The following SSBP2 variants were observed in gnomAD, a reference collection of about 807,000 sequenced individuals.
The protein encoded by SSBP2 is single stranded DNA binding protein 2.
In SSBP2, 17 loss-of-function variants were observed where a neutral mutation model predicts 61.8. That is an observed-to-expected ratio of 0.28 (90% CI 0.19 to 0.41). The LOEUF is 0.41. SSBP2 is among the 10% of genes least tolerant of loss of function. The probability of loss-of-function intolerance (pLI) is 1.00; values close to 1 mark genes in which losing one functional copy is unlikely to be tolerated. For missense variants in SSBP2, 310 were observed against 458.7 expected (o/e 0.68, Z 2.96); for synonymous variants, 139 against 141.3 (o/e 0.98, Z 0.12).
At position 81,414,214 on chromosome 5, in the gene SSBP2, T is replaced by C. The variant is rs1761227748; in HGVS notation, c.*6290A>G. 6.6e-6 allele frequency: 1 copy of C among 152,154 alleles called. No homozygotes were observed. Among genetic ancestry groups the C allele is most frequent in the South Asian group, 2.1e-4 (1 of 4,828 alleles). The allele number at this position is 152,154 out of a possible 1,614,324, so 9.4% of individuals were successfully genotyped here. ...ATTTGCAAAGAGAGGAGACAAACTG[T>C]AATTGTATACATAAAAACACCTAGT... On this transcript the variant is annotated 3_prime_UTR_variant, in exon 17 of 17. Transcript: ENST00000320672.
intron 1 of SSBP2, among the ~76,000 whole-genome samples, chr5:81,697,226 A>G (rs982556116): frequency 2.0e-5 from 3 of 152,242 alleles, no homozygotes; most frequent in Admixed American, 2.0e-4. Context: ...AAGATAACTT[A>G]AAGTGATAAA....
chr5:81,743,524 T>C (rs1426134369), intron 1 of SSBP2, among the ~76,000 whole-genome samples: 1 of 152,202 alleles, frequency 6.6e-6, no homozygotes, highest in Non-Finnish European at 1.5e-5. Context: ...ACCTTCAAAG[T>C]CTCATGAAAG....
At chr5:81,635,516 C>T (rs142761777) in intron 3 of SSBP2, among the ~76,000 whole-genome samples, 279 of 151,826 alleles carry the variant, frequency 1.8e-3, no homozygotes, top group African/African-American at 5.6e-3. Flanking sequence ...GGCATGCCAA[C>T]GCTTATAATT....
Position 81,736,756 on chromosome 5 carries a change from T to C in SSBP2, c.62+14225A>G, listed in dbSNP as rs563357195. ...AAATAGGGCCTTTACTCAGGTATTC[T>C]CATTTGTCCCTTCTACCAATTTAAA... On this transcript the variant is annotated intron_variant, in intron 1 of 16. Transcript: ENST00000320672. Among the ~76,000 whole-genome samples the C allele has an allele frequency of 5.3e-5, 8 of 152,344 alleles. No homozygotes were observed. In the South Asian group the frequency reaches 1.7e-3, roughly 32 times the overall value.
intron 1 of SSBP2, among the ~76,000 whole-genome samples, chr5:81,714,859 G>A (rs901044892): frequency 4.6e-5 from 7 of 151,976 alleles, no homozygotes; most frequent in Admixed American, 1.3e-4. Context: ...GTAAAGCAAC[G>A]GCAACAAAAG....
intron 1 of SSBP2, among the ~76,000 whole-genome samples, chr5:81,711,355 A>G (rs1035468679): frequency 3.3e-5 from 5 of 152,140 alleles, no homozygotes; most frequent in African/African-American, 1.2e-4. Flanking sequence ...ATTCACCTTC[A>G]AAATAATTAG....
chr5:81,582,412 C>A (rs1468866435), intron 4 of SSBP2, among the ~76,000 whole-genome samples: 1 of 152,060 alleles, frequency 6.6e-6, no homozygotes, highest in East Asian at 1.9e-4. Context: ...GAAAACAGTT[C>A]ATATTGAACC....
chr5:81,545,516 T>C (rs1196027150), intron 4 of SSBP2, among the ~76,000 whole-genome samples: 3 of 152,160 alleles, frequency 2.0e-5, no homozygotes, highest in Non-Finnish European at 2.9e-5. Flanking sequence ...CACCACATAG[T>C]TGATTTGTGG....
At chr5:81,743,181 A>C (rs916191929) in intron 1 of SSBP2, among the ~76,000 whole-genome samples, 16 of 152,196 alleles carry the variant, frequency 1.1e-4, no homozygotes, top group Non-Finnish European at 1.5e-5. Flanking sequence ...CAATTCCTCC[A>C]TTTTAAAAAC....
intron 1 of SSBP2, among the ~76,000 whole-genome samples, chr5:81,695,843 G>C (rs1753564903): frequency 6.6e-6 from 1 of 151,678 alleles, no homozygotes. Context: ...ATTTTACATT[G>C]ATTTTAAATT....
At chr5:81,570,107 A>G (rs1402746032) in intron 4 of SSBP2, among the ~76,000 whole-genome samples, 1 of 152,226 alleles carries the variant, frequency 6.6e-6, no homozygotes, top group African/African-American at 2.4e-5. Flanking sequence ...GGAATAAGAC[A>G]AGATAAATTT....
intron 1 of SSBP2, among the ~76,000 whole-genome samples, chr5:81,736,663 C>A (rs928911518): frequency 6.6e-6 from 1 of 151,988 alleles, no homozygotes; most frequent in Non-Finnish European, 1.5e-5. Flanking sequence ...ATATTTATTA[C>A]TCAAATAATA....
At chr5:81,487,696 T>C (rs1055966045) in intron 6 of SSBP2, among the ~76,000 whole-genome samples, 6 of 151,900 alleles carry the variant, frequency 3.9e-5, no homozygotes, top group African/African-American at 1.4e-4. Context: ...CTATACATTA[T>C]GTAATGATTA....
chr5:81,451,052 G>GA (rs950605155), intron 10 of SSBP2, among the ~76,000 whole-genome samples: 8 of 152,076 alleles, frequency 5.3e-5, no homozygotes, highest in Non-Finnish European at 1.0e-4. Flanking sequence ...CTTCATGGGG[G>GA]AAAAAAAGCC....
chr5:81,570,887 G>C (rs1029875618), intron 4 of SSBP2, among the ~76,000 whole-genome samples: 2 of 152,226 alleles, frequency 1.3e-5, no homozygotes, highest in South Asian at 4.1e-4. Context: ...TTTGTAGCAA[G>C]TCCAATTATT....
At chr5:81,704,771 G>A (rs925438568) in intron 1 of SSBP2, among the ~76,000 whole-genome samples, 1 of 139,306 alleles carries the variant, frequency 7.2e-6, no homozygotes, top group Admixed American at 7.8e-5. Context: ...ACTCCAGCCT[G>A]GGTGACGGGG....
intron 16 of SSBP2, among the ~76,000 whole-genome samples, chr5:81,423,074 C>A (rs894070353): frequency 6.6e-6 from 1 of 152,202 alleles, no homozygotes; most frequent in African/African-American, 2.4e-5. Flanking sequence ...CAAGATTTTA[C>A]TAGAGTAGAA....
At chr5:81,727,491 G>C (rs1257614280) in intron 1 of SSBP2, among the ~76,000 whole-genome samples, 1 of 152,136 alleles carries the variant, frequency 6.6e-6, no homozygotes, top group Non-Finnish European at 1.5e-5. Context: ...AGAGGTTGCA[G>C]TGAGCTGAGA....
At chr5:81,724,057 G>A (rs1015919786) in intron 1 of SSBP2, among the ~76,000 whole-genome samples, 2 of 151,934 alleles carry the variant, frequency 1.3e-5, no homozygotes, top group Non-Finnish European at 2.9e-5. Context: ...CCATAAGAAT[G>A]CAAAAACTAA....
Sources: gnomAD v4.1 joint callset for allele counts (sites outside exome capture counted in the v4.1 genomes callset) on GRCh38, gnomAD v4.1.1 for gene constraint, MANE v1.5 for transcripts, NCBI Gene and HGNC (gene_info 2026-07-23, HGNC 2026-07-21) for gene names.